DAP3: variants seen among roughly 807,000 people sequenced by gnomAD.
The protein encoded by DAP3 is small ribosomal subunit protein mS29.
In DAP3, 28 loss-of-function variants were observed where a neutral mutation model predicts 51.9. The ratio of observed to expected loss-of-function variants is 0.54; its 90% CI spans 0.40 to 0.74. The LOEUF is 0.74. Ranked by LOEUF, DAP3 falls within the 30% of genes least tolerant of loss-of-function variation. The pLI is 0.00. For synonymous variants in DAP3, 170 were observed against 170.3 expected, an observed-to-expected ratio of 1.00 and a Z score of 0.01; for missense variants, 458 against 483.5, an observed-to-expected ratio of 0.95 and a Z score of 0.49.
chr1:155,688,642 C>A (rs1571389888), upstream of DAP3: 6 of 1,534,358 alleles, frequency 3.9e-6, no homozygotes, highest in Middle Eastern at 3.3e-4. Flanking sequence ...GGCTCCAGCG[C>A]AGGCCCTCAC....
In DAP3 at chr1:155,721,505, C is replaced by T. The variant is rs1658013559; in HGVS notation, c.169-12C>T. On this transcript the variant is annotated splice_polypyrimidine_tract_variant and intron_variant, in intron 3 of 12. Transcript: ENST00000368336. ...TGTCACCATTATACCTGTTTGCACTCTTATTTCCTAGGCCAAGCATGGGGA... is the reference window on the plus strand; with the variant it reads ...TGTCACCATTATACCTGTTTGCACTTTTATTTCCTAGGCCAAGCATGGGGA... 1.9e-6 allele frequency: 3 copies of T among 1,613,472 alleles called. No homozygotes were observed. Among genetic ancestry groups the T allele is most frequent in the South Asian group, 2.2e-5 (2 of 91,050 alleles).
intron 3 of DAP3, 138 bp downstream of exon 3, chr1:155,717,266 C>G: frequency 2.2e-6 from 3 of 1,350,340 alleles, no homozygotes; most frequent in Non-Finnish European, 2.0e-6. Flanking sequence ...AGATAGCACT[C>G]TGGAACCCAG....
chr1:155,722,636 T>C (rs1480679399), intron 4 of DAP3, among the ~76,000 whole-genome samples: 2 of 151,902 alleles, frequency 1.3e-5, no homozygotes, highest in Admixed American at 1.3e-4. Context: ...CAATAAATCT[T>C]GCTGCTGCTC....
In DAP3 at chr1:155,715,079, T is replaced by C. The variant is rs553554930; in HGVS notation, c.46-1927T>C. 1.3e-4 allele frequency among the ~76,000 whole-genome samples: 20 copies of C among 151,906 alleles called. No homozygotes were observed. In the East Asian group the frequency reaches 1.4e-3, roughly 10 times the overall value. Reference sequence around the variant, plus strand: ...TTAGCTGGGCATGGTGGCACACTCCTATAATCCCAGCTGCTCAGGAGGCTG... The same window carrying C: ...TTAGCTGGGCATGGTGGCACACTCCCATAATCCCAGCTGCTCAGGAGGCTG... On this transcript the variant is annotated intron_variant, in intron 2 of 12. Coordinates refer to ENST00000368336, the MANE Select transcript of DAP3 (RefSeq NM_004632.4).
rs543390932 is a variant in DAP3 at position 155,707,006 on chromosome 1, G to A, written c.-7-2767G>A. Among the ~76,000 whole-genome samples the A allele has an allele frequency of 3.3e-5, 5 of 151,930 alleles. No homozygotes were observed. In the East Asian group the frequency reaches 7.7e-4, roughly 23 times the overall value. ...TACTCAGGAGGCTGAGAGGAGAATC[G>A]CTTTAACCCGGGAGGTGGAGGTTGC... is the stretch of plus-strand genomic sequence containing the variant. On this transcript the variant is annotated intron_variant, in intron 1 of 12. Transcript: ENST00000368336.
In DAP3 at chr1:155,689,096, C is replaced by T. The variant is rs1653257986; in HGVS notation, c.-86C>T. 6 of 1,382,564 alleles carry T rather than the reference C, an allele frequency of 4.3e-6. No homozygotes were observed. Among genetic ancestry groups the T allele is most frequent in the Non-Finnish European group, 5.9e-6 (6 of 1,012,010 alleles). 85.6% of individuals were successfully genotyped at this position (1,382,564 alleles called of 1,614,324 possible). A position where few individuals can be genotyped will look rare whatever the true frequency, so the allele number is the denominator to read the frequency against. On this transcript the variant is annotated 5_prime_UTR_variant, in exon 1 of 13. Coordinates refer to ENST00000368336, the MANE Select transcript of DAP3 (RefSeq NM_004632.4). ...GGATGACCCGACCCTTTTTTGCAGT[C>T]TCAGGACGGGCGCTTTGGAGCCGGC...
At chr1:155,721,412 A>G in intron 3 of DAP3, 105 bp from the exon 4 acceptor site, 2 of 575,722 alleles carry the variant, frequency 3.5e-6, no homozygotes, top group Non-Finnish European at 6.0e-6. Flanking sequence ...ATATATATAT[A>G]TATATACACA....
chr1:155,688,320 G>GGCGGCGGCA (rs566869739), upstream of DAP3: 75 of 1,556,226 alleles, frequency 4.8e-5, no homozygotes, highest in African/African-American at 1.5e-4. Context: ...AACCCAAAAT[G>GGCGGCGGCA]GCGGCGGCAG....
intron 1 of DAP3, among the ~76,000 whole-genome samples, chr1:155,695,938 A>G (rs979506641): frequency 1.3e-5 from 2 of 152,212 alleles, no homozygotes; most frequent in African/African-American, 4.8e-5. Flanking sequence ...GGAAAATTTT[A>G]TTTTTAGGAT....
rs1383841134 is a variant in DAP3 at position 155,717,137 on chromosome 1, C to G, written c.168+9C>G. On this transcript the variant is annotated intron_variant, in intron 3 of 12. Coordinates refer to ENST00000368336, the MANE Select transcript of DAP3 (RefSeq NM_004632.4). ...CCAATGAGAATGACCCGGTGAGTTA[C>G]TAATATGTATATGGGGTTTCTCAGG... is the stretch of plus-strand genomic sequence containing the variant. The G allele has an allele frequency of 6.2e-7, 1 of 1,613,492 alleles. No individual in the cohort carries two copies. Among genetic ancestry groups the G allele is most frequent in the Admixed American group, 1.7e-5 (1 of 59,838 alleles).
In DAP3 at chr1:155,732,022, T is replaced by C. The variant is rs756818621; in HGVS notation, c.982T>C (p.Leu328=). ...KPRKAYLPQE[L]LGKEGFDALD... The stretch of plus-strand genomic sequence containing the variant: ...CCGGAAAGCCTATCTGCCCCAGGAG[T>C]TGCTGGGAAAGGTCAAGTCAAAGGA... The change falls in exon 11 of 13, where the codon TTG becomes CTG. Residue 328 remains leucine, a synonymous_variant. Coordinates refer to ENST00000368336, the MANE Select transcript of DAP3 (RefSeq NM_004632.4). The C allele has an allele frequency of 9.9e-6, 16 of 1,610,298 alleles. No individual in the cohort carries two copies. The South Asian group carries it at 1.7e-4, about 17-fold the overall frequency.
At chr1:155,689,064 T>G, upstream of DAP3, 1 of 1,520,162 alleles carries the variant, frequency 6.6e-7, no homozygotes, top group Non-Finnish European at 8.9e-7. Context: ...TTGAGTCGTT[T>G]CCTGCCGGAT....
intron 11 of DAP3, among the ~76,000 whole-genome samples, chr1:155,732,403 G>C (rs1264639673): frequency 6.6e-6 from 1 of 151,788 alleles, no homozygotes; most frequent in African/African-American, 2.4e-5. Context: ...CTAATTTTTT[G>C]TATTTTTAGT....
chr1:155,692,056 C>G (rs1245601313), intron 1 of DAP3, among the ~76,000 whole-genome samples: 2 of 141,688 alleles, frequency 1.4e-5, no homozygotes, highest in Admixed American at 6.6e-5. Flanking sequence ...GGAAGCAGTA[C>G]GTCATACACA....
chr1:155,731,973 C>A lies in DAP3; in HGVS notation c.933C>A (p.Ser311Arg). Reference protein sequence around the residue: ...WHGGAIVSALSQTGSLFKPRK... With the variant: ...WHGGAIVSALRQTGSLFKPRK... ...GAGGCGCCATTGTGTCGGCTTTGAG[C>A]CAGACTGGGTCTCTCTTTAAGCCCC... Residue 311 changes from serine (S) to arginine (R), a missense_variant, in exon 11 of 13, where the codon AGC (serine) becomes AGA (arginine). Ser to Arg is a moderately radical substitution (Grantham distance 110). Coordinates refer to ENST00000368336, the MANE Select transcript of DAP3 (RefSeq NM_004632.4). The A allele has an allele frequency of 6.2e-7, 1 of 1,611,664 alleles. No individual in the cohort carries two copies. The highest frequency in any genetic ancestry group is 8.5e-7 in the Non-Finnish European group (1 of 1,178,880).
At chr1:155,721,400 G>GTATA (rs58709945) in intron 3 of DAP3, 117 bp from the exon 4 acceptor site, 80 of 435,986 alleles carry the variant, frequency 1.8e-4, no homozygotes, top group Admixed American at 2.7e-4. Flanking sequence ...ATGTATGTAT[G>GTATA]TATATATATA....
At chr1:155,732,159 T>TC in intron 11 of DAP3, 126 bp downstream of exon 11, 2 of 648,736 alleles carry the variant, frequency 3.1e-6, no homozygotes, top group Non-Finnish European at 5.0e-6. Context: ...TGTATGCCCT[T>TC]CCCCTGGATT....
intron 1 of DAP3, among the ~76,000 whole-genome samples, chr1:155,705,332 C>T (rs6699393): frequency 0.015 from 2,208 of 151,078 alleles, 59 homozygotes; most frequent in African/African-American, 0.051. Flanking sequence ...CATGGTGGCT[C>T]ACACCTGTAA....
intron 12 of DAP3, among the ~76,000 whole-genome samples, chr1:155,737,520 C>G (rs1181713654): frequency 6.6e-6 from 1 of 152,214 alleles, no homozygotes; most frequent in Non-Finnish European, 1.5e-5. Flanking sequence ...TTCATCTACT[C>G]TGACTGAAAG....
Sources: gnomAD v4.1 joint callset for allele counts (sites outside exome capture counted in the v4.1 genomes callset) on GRCh38, gnomAD v4.1.1 for gene constraint, MANE v1.5 for transcripts, NCBI Gene and HGNC (gene_info 2026-07-23, HGNC 2026-07-21) for gene names.